Variants in ASAH2 observed in about 807,000 individuals in gnomAD.
The protein encoded by ASAH2 is neutral ceramidase.
Under a neutral mutation model 82.9 loss-of-function variants are expected in ASAH2, and 58 were observed. The observed-to-expected ratio is 0.70, with a 90% CI of 0.57 to 0.87. The LOEUF (loss-of-function observed/expected upper bound fraction) is 0.87, where lower values mean the gene tolerates loss of function less well. Among genes scored for constraint, ASAH2 ranks in the 40% least tolerant of loss-of-function variants. The probability of loss-of-function intolerance (pLI) is 0.00; values close to 1 mark genes in which losing one functional copy is unlikely to be tolerated. For synonymous variants in ASAH2, 276 were observed against 289.7 expected, an observed-to-expected ratio of 0.95 and a Z score of 0.48; for missense variants, 779 against 834.0, an observed-to-expected ratio of 0.93 and a Z score of 0.81.
chr10:50,208,077 A>G (rs1845351187), intron 12 of ASAH2, among the ~76,000 whole-genome samples: 1 of 151,984 alleles, frequency 6.6e-6, no homozygotes, highest in Non-Finnish European at 1.5e-5. Flanking sequence ...ATCTGAGCAG[A>G]TACAGAGAGA....
intron 7 of ASAH2, among the ~76,000 whole-genome samples, chr10:50,221,020 A>G (rs1431167278): frequency 6.6e-6 from 1 of 152,164 alleles, no homozygotes; most frequent in Non-Finnish European, 1.5e-5. Context: ...TTTTCAAAAC[A>G]CAATGTCAAG....
chr10:50,240,068 T>C lies in ASAH2; in HGVS notation c.510+3134A>G, dbSNP rs974088311. 3.9e-5 allele frequency among the ~76,000 whole-genome samples: 6 copies of C among 152,212 alleles called. No individual in the cohort carries two copies. The East Asian group carries it at 1.2e-3, about 29-fold the overall frequency. Reference sequence around the variant, plus strand: ...GTCTCGAACTCCTGACCTCAAGTGATCCACCTGCCTCAGCTTCCCAAAGTG... The same window carrying C: ...GTCTCGAACTCCTGACCTCAAGTGACCCACCTGCCTCAGCTTCCCAAAGTG... On this transcript the variant is annotated intron_variant, in intron 4 of 20. Transcript: ENST00000682911.
At chr10:50,193,455 C>T (rs1844894752) in intron 18 of ASAH2, among the ~76,000 whole-genome samples, 1 of 147,400 alleles carries the variant, frequency 6.8e-6, no homozygotes, top group South Asian at 2.2e-4. Flanking sequence ...TTGCAGAAAG[C>T]TCCCCTCAAG....
intron 12 of ASAH2, among the ~76,000 whole-genome samples, chr10:50,209,076 T>C (rs1380125902): frequency 6.6e-6 from 1 of 152,136 alleles, no homozygotes; most frequent in East Asian, 1.9e-4. Context: ...CTAGGATAAC[T>C]GAATAGCCAT....
At chr10:50,214,441 G>T (rs1396682172) in intron 9 of ASAH2, among the ~76,000 whole-genome samples, 1 of 152,082 alleles carries the variant, frequency 6.6e-6, no homozygotes, top group Admixed American at 6.6e-5. Flanking sequence ...TGTGACTTTC[G>T]AAATGCCAAA....
intron 4 of ASAH2, among the ~76,000 whole-genome samples, chr10:50,236,549 C>T (rs1015113466): frequency 1.4e-4 from 22 of 152,216 alleles, no homozygotes; most frequent in African/African-American, 4.8e-4. Context: ...ATTAACACCT[C>T]TTTCAAATGG....
intron 18 of ASAH2, among the ~76,000 whole-genome samples, chr10:50,194,862 G>A (rs994724179): frequency 1.3e-5 from 2 of 151,578 alleles, no homozygotes; most frequent in East Asian, 3.9e-4. Flanking sequence ...ATATCCACAT[G>A]CAGAAGAAGG....
intron 7 of ASAH2, among the ~76,000 whole-genome samples, chr10:50,232,238 A>C (rs1846037558): frequency 6.6e-6 from 1 of 152,160 alleles, no homozygotes; most frequent in East Asian, 1.9e-4. Context: ...ATATTTTATA[A>C]TTCTACTTGG....
At position 50,218,615 on chromosome 10, in the gene ASAH2, G is replaced by A; in HGVS notation, c.909C>T (p.His303=). ...DLGLISWFAI[H]PVSMNNSNHL... ...GGTTACTGTTGTTCATGCTGACCGGGTGGATGGCAAACCAGCTGTAAAAGA... is the reference window on the plus strand; with the variant it reads ...GGTTACTGTTGTTCATGCTGACCGGATGGATGGCAAACCAGCTGTAAAAGA... The change falls in exon 8 of 21, where the codon CAC becomes CAT. Residue 303 remains histidine (H), a synonymous_variant. Transcript: ENST00000682911. The A allele has an allele frequency of 6.2e-7, 1 of 1,613,766 alleles. No homozygotes were observed.
intron 7 of ASAH2, among the ~76,000 whole-genome samples, chr10:50,228,944 C>G (rs1003868166): frequency 6.6e-6 from 1 of 152,120 alleles, no homozygotes; most frequent in Admixed American, 6.6e-5. Context: ...AAAAGCAAGA[C>G]AAAGCCTTTT....
intron 10 of ASAH2, 60 bp from the exon 11 acceptor site, chr10:50,211,194 G>T: frequency 8.4e-7 from 1 of 1,184,764 alleles, no homozygotes; most frequent in Non-Finnish European, 1.3e-6. Context: ...ATCTCCAACT[G>T]TACTCAGGAA....
At chr10:50,227,773 C>T (rs1158004085) in intron 7 of ASAH2, among the ~76,000 whole-genome samples, 2 of 152,100 alleles carry the variant, frequency 1.3e-5, no homozygotes, top group African/African-American at 4.8e-5. Context: ...ATTTAAACTA[C>T]ACTAGGCTGA....
chr10:50,234,028 T>C (rs1240830442), intron 6 of ASAH2, among the ~76,000 whole-genome samples: 1 of 152,264 alleles, frequency 6.6e-6, no homozygotes, highest in East Asian at 1.9e-4. Flanking sequence ...ATTTAATAAA[T>C]ATGCATTGAG....
At position 50,212,960 on chromosome 10, in the gene ASAH2, C is replaced by T. The variant is rs928142283; in HGVS notation, c.1227+12G>A. On this transcript the variant is annotated intron_variant, in intron 10 of 20. Transcript: ENST00000682911. ...TTAAACAAAGATTAAAGGAGCGAGGCCCATGGCTTACCTTTGCTCTCTGAT... is the reference window on the plus strand; with the variant it reads ...TTAAACAAAGATTAAAGGAGCGAGGTCCATGGCTTACCTTTGCTCTCTGAT... 6.8e-6 allele frequency: 11 copies of T among 1,610,320 alleles called. No homozygotes were observed. The highest frequency in any genetic ancestry group is 2.7e-5 in the African/African-American group (2 of 74,818).
At chr10:50,225,484 A>G (rs1845856265) in intron 7 of ASAH2, among the ~76,000 whole-genome samples, 1 of 152,198 alleles carries the variant, frequency 6.6e-6, no homozygotes, top group Non-Finnish European at 1.5e-5. Context: ...GAAACAGGAA[A>G]TGGCCAATAG....
intron 9 of ASAH2, 53 bp downstream of exon 9, chr10:50,214,690 T>A: frequency 6.2e-7 from 1 of 1,601,630 alleles, no homozygotes; most frequent in Non-Finnish European, 8.6e-7. Context: ...TATTCAAACA[T>A]AAAATGTATT....
At chr10:50,241,938 T>C (rs1846307127) in intron 4 of ASAH2, among the ~76,000 whole-genome samples, 1 of 152,032 alleles carries the variant, frequency 6.6e-6, no homozygotes, top group Non-Finnish European at 1.5e-5. Context: ...CTAATGTAGA[T>C]GACGGGTTGA....
At position 50,206,114 on chromosome 10, in the gene ASAH2, A is replaced by G. The variant is rs1208355948; in HGVS notation, c.1415-17T>C. The G allele has an allele frequency of 1.3e-6, 2 of 1,555,566 alleles. No homozygotes were observed. Among genetic ancestry groups the G allele is most frequent in the African/African-American group, 2.7e-5 (2 of 73,714 alleles). ...CTGTTTTCCCTATTAGAAATGTTATAATTAGTATACTTCCTTGAACCAACC... is the reference window on the plus strand; with the variant it reads ...CTGTTTTCCCTATTAGAAATGTTATGATTAGTATACTTCCTTGAACCAACC... On this transcript the variant is annotated splice_polypyrimidine_tract_variant and intron_variant, in intron 12 of 20. Transcript: ENST00000682911.
At chr10:50,218,850 C>A (rs965491117) in intron 7 of ASAH2, among the ~76,000 whole-genome samples, 2 of 152,174 alleles carry the variant, frequency 1.3e-5, no homozygotes, top group Non-Finnish European at 2.9e-5. Flanking sequence ...TACAAAACTC[C>A]ATTTTCATGA....
Sources: allele counts gnomAD v4.1 joint callset (sites outside exome capture counted in the v4.1 genomes callset), GRCh38; gene constraint gnomAD v4.1.1; transcripts MANE v1.5; gene names NCBI Gene and HGNC (gene_info 2026-07-23, HGNC 2026-07-21).